Variants in PSD2 observed in about 807,000 individuals in gnomAD.
The protein encoded by PSD2 is PH and SEC7 domain-containing protein 2.
Under a neutral mutation model 69.8 loss-of-function variants are expected in PSD2, and 38 were observed. The observed-to-expected ratio is 0.54, with a 90% CI of 0.42 to 0.71. The LOEUF (loss-of-function observed/expected upper bound fraction) is 0.71, where lower values mean the gene tolerates loss of function less well. Ranked by LOEUF, PSD2 falls within the 30% of genes least tolerant of loss-of-function variation. The pLI is 0.00. For missense variants in PSD2, 943 were observed against 1,014.5 expected (o/e 0.93, Z 0.96); for synonymous variants, 412 against 423.0 (o/e 0.97, Z 0.32).
chr5:139,821,941 G>T lies in PSD2; in HGVS notation c.1146G>T (p.Glu382Asp), dbSNP rs1265727331. Reference sequence around the variant, plus strand: ...TGATGGGGGAGACACAAGAGCGTGAGCGGGTCCTCACACACTTCTCCCGCC... The same window carrying T: ...TGATGGGGGAGACACAAGAGCGTGATCGGGTCCTCACACACTTCTCCCGCC... ...FPLMGETQERERVLTHFSRRY... is the reference protein window; with the variant it reads ...FPLMGETQERDRVLTHFSRRY... The change falls in exon 6 of 15, where the codon GAG becomes GAT. Residue 382 changes from glutamate (E) to aspartate (D), a missense_variant. Physicochemically the swap from Glu to Asp is conservative, Grantham distance 45. Around this residue, in one of 3 missense-constraint regions of PSD2, gnomAD observed 312 missense variants for 400.7 expected, o/e 0.78. Coordinates refer to ENST00000274710, the MANE Select transcript of PSD2 (RefSeq NM_032289.4). The T allele has an allele frequency of 1.2e-6, 2 of 1,610,940 alleles. No individual in the cohort carries two copies. The highest frequency in any genetic ancestry group is 1.7e-6 in the Non-Finnish European group (2 of 1,178,490).
chr5:139,781,338 C>CA, the PSD2 span, among the ~76,000 whole-genome samples: 1 of 145,958 alleles, frequency 6.9e-6, no homozygotes, highest in Non-Finnish European at 1.5e-5. Context: ...ATATCTCTCT[C>CA]TTTTTTTTTT....
intron 1 of PSD2, among the ~76,000 whole-genome samples, chr5:139,804,345 G>A (rs1471018826): frequency 6.6e-6 from 1 of 152,168 alleles, no homozygotes; most frequent in Non-Finnish European, 1.5e-5. Flanking sequence ...CTCTCTCCAA[G>A]TATCCAATGT....
Position 139,844,303 on chromosome 5 carries a change from A to T in PSD2, c.*1829A>T, listed in dbSNP as rs1220073042. ...TTCCTGAGCATGGGTTGTGCCTCCC[A>T]TCAGTAAAAAAATGTTTAGTTCACT... On this transcript the variant is annotated 3_prime_UTR_variant, in exon 15 of 15. Coordinates refer to ENST00000274710, the MANE Select transcript of PSD2 (RefSeq NM_032289.4). 1 of 152,228 alleles carries T rather than the reference A, an allele frequency of 6.6e-6. No individual in the cohort carries two copies. The highest frequency in any genetic ancestry group is 1.5e-5 in the Non-Finnish European group (1 of 68,050). 9.4% of individuals were successfully genotyped at this position (152,228 alleles called of 1,614,324 possible).
At chr5:139,823,905 C>A (rs936142332) in intron 7 of PSD2, among the ~76,000 whole-genome samples, 1 of 152,216 alleles carries the variant, frequency 6.6e-6, no homozygotes, top group Non-Finnish European at 1.5e-5. Flanking sequence ...TGCACTGGGG[C>A]ACCTGGCCTG....
the PSD2 span, among the ~76,000 whole-genome samples, chr5:139,778,153 C>T: frequency 1.3e-5 from 2 of 152,296 alleles, no homozygotes; most frequent in Middle Eastern, 3.4e-3. Context: ...TAGTGGCACT[C>T]GAGGTGTGAA....
the PSD2 span, among the ~76,000 whole-genome samples, chr5:139,766,941 CTTTCTTTCTTT>C: frequency 1.0e-5 from 1 of 99,990 alleles, no homozygotes; most frequent in Admixed American, 1.0e-4. Context: ...TTCTTTCTTT[CTTTCTTTCTTT>C]CTTTCTTTCT....
chr5:139,802,022 C>T (rs1348256107), intron 1 of PSD2, among the ~76,000 whole-genome samples: 3 of 152,128 alleles, frequency 2.0e-5, no homozygotes, highest in Non-Finnish European at 2.9e-5. Context: ...CTGCTTACTT[C>T]GTACCACATG....
At chr5:139,841,484 C>A (rs1339720808) in intron 14 of PSD2, among the ~76,000 whole-genome samples, 1 of 152,198 alleles carries the variant, frequency 6.6e-6, no homozygotes, top group East Asian at 1.9e-4. Flanking sequence ...AATGGGTATA[C>A]AAATATCCCT....
intron 1 of PSD2, among the ~76,000 whole-genome samples, chr5:139,806,028 C>A (rs1374368590): frequency 6.6e-6 from 1 of 152,216 alleles, no homozygotes; most frequent in Admixed American, 6.5e-5. Context: ...TCAGCCCTGG[C>A]AGTTGGCTGA....
intron 6 of PSD2, among the ~76,000 whole-genome samples, chr5:139,822,392 G>A (rs1009379866): frequency 9.9e-5 from 15 of 152,214 alleles, no homozygotes; most frequent in African/African-American, 3.1e-4. Context: ...AGGGGACAAG[G>A]CCCATTATTG....
the PSD2 span, among the ~76,000 whole-genome samples, chr5:139,746,542 C>A: frequency 6.6e-6 from 1 of 152,286 alleles, no homozygotes; most frequent in South Asian, 2.1e-4. The surrounding 1 kb of genome is among the most constrained non-coding windows in gnomAD (Gnocchi z 4.5). Flanking sequence ...GGGTGTTATT[C>A]TGGTACAGAA....
At chr5:139,783,822 C>T in the PSD2 span, among the ~76,000 whole-genome samples, 7 of 152,024 alleles carry the variant, frequency 4.6e-5, no homozygotes, top group Non-Finnish European at 5.9e-5. Context: ...CATTTCTCCT[C>T]GATATTGTCT....
chr5:139,837,519 A>G lies in PSD2; in HGVS notation c.1666-106A>G. 1 of 1,242,950 alleles carries G rather than the reference A, an allele frequency of 8.0e-7. No homozygotes were observed. Among genetic ancestry groups the G allele is most frequent in the Non-Finnish European group, 1.1e-6 (1 of 890,852 alleles). The allele number at this position is 1,242,950 out of a possible 1,614,324, so 77.0% of individuals were successfully genotyped here. ...TTGTTGGGGTGGGTGAGGCAGCAGG[A>G]ACAGAAAATTAAGGGAGCCGTAGGG... On this transcript the variant is annotated intron_variant, in intron 11 of 14. Transcript: ENST00000274710. The surrounding 1 kb of genome is among the most constrained non-coding windows in gnomAD (Gnocchi z 5.0).
At chr5:139,809,160 T>TGG (rs1759885588) in intron 1 of PSD2, among the ~76,000 whole-genome samples, 1 of 152,112 alleles carries the variant, frequency 6.6e-6, no homozygotes, top group Non-Finnish European at 1.5e-5. Context: ...GGGCAGGGAC[T>TGG]GGGGCATAGT....
chr5:139,795,496 G>A (rs1759495476), upstream of PSD2, among the ~76,000 whole-genome samples: 1 of 152,138 alleles, frequency 6.6e-6, no homozygotes, highest in Admixed American at 6.5e-5. This position sits in a 1 kb window ranked among gnomAD's most constrained non-coding sequence, Gnocchi z 4.5. Flanking sequence ...AGGTGGTTGG[G>A]TCTGCCCGAG....
intron 6 of PSD2, 108 bp from the exon 7 acceptor site, chr5:139,822,618 C>A: frequency 2.1e-6 from 2 of 932,228 alleles, no homozygotes; most frequent in Non-Finnish European, 3.2e-6. Context: ...GTTTGGCAGG[C>A]GGCCGGCCTC....
chr5:139,755,921 AGC>A, the PSD2 span, among the ~76,000 whole-genome samples: 1 of 151,870 alleles, frequency 6.6e-6, no homozygotes, highest in Non-Finnish European at 1.5e-5. Flanking sequence ...ACTTAAAAAA[AGC>A]ACAATGCAAA....
chr5:139,776,960 T>C, the PSD2 span, among the ~76,000 whole-genome samples: 1 of 152,206 alleles, frequency 6.6e-6, no homozygotes, highest in Admixed American at 6.5e-5. Context: ...GTTTCCACTG[T>C]AGGACAGTTT....
chr5:139,791,669 TGACA>T (rs963268996), upstream of PSD2, among the ~76,000 whole-genome samples: 27 of 151,878 alleles, frequency 1.8e-4, no homozygotes, highest in Admixed American at 6.6e-5. Flanking sequence ...TCTCTTCCCC[TGACA>T]GATACAACCT....
Sources: allele counts gnomAD v4.1 joint callset (sites outside exome capture counted in the v4.1 genomes callset), GRCh38; gene constraint gnomAD v4.1.1; regional missense constraint gnomAD v4.1.1; non-coding constraint Gnocchi (gnomAD v3.1); transcripts MANE v1.5; gene names NCBI Gene and HGNC (gene_info 2026-07-23, HGNC 2026-07-21).